The following HMGCLL1 variants were observed in gnomAD, a reference collection of about 807,000 sequenced individuals.
HMGCLL1 encodes the protein 3-hydroxymethyl-3-methylglutaryl-CoA lyase, cytoplasmic.
A neutral mutation model predicts 39.1 loss-of-function variants in HMGCLL1; 36 were observed. The ratio of observed to expected loss-of-function variants is 0.92; its 90% CI spans 0.71 to 1.22. The LOEUF is 1.22. Ranked by LOEUF, HMGCLL1 falls within the 50% of genes most tolerant of loss-of-function variation. The pLI, the probability that HMGCLL1 is intolerant of heterozygous loss-of-function variation, is 0.00. For synonymous variants in HMGCLL1, 149 were observed against 144.0 expected (o/e 1.03, Z -0.25); for missense variants, 451 against 416.5 (o/e 1.08, Z -0.72).
intron 7 of HMGCLL1, among the ~76,000 whole-genome samples, chr6:55,481,453 C>G (rs1438182731): frequency 6.6e-6 from 1 of 151,920 alleles, no homozygotes; most frequent in African/African-American, 2.4e-5. Context: ...GTGATAGATA[C>G]CCCATTTATC....
chr6:55,499,453 T>C (rs182257304), intron 5 of HMGCLL1, among the ~76,000 whole-genome samples, 154 bp from the exon 6 acceptor site: 3 of 152,216 alleles, frequency 2.0e-5, no homozygotes, highest in Non-Finnish European at 2.9e-5. Context: ...CAAATGAAGT[T>C]TGAAGCATTT....
chr6:55,514,134 C>A lies in HMGCLL1; in HGVS notation c.456G>T (p.Lys152Asn), dbSNP rs770705139. 4.3e-6 allele frequency: 7 copies of A among 1,612,654 alleles called. No individual in the cohort carries two copies. The East Asian group carries it at 1.6e-4, about 36-fold the overall frequency. The part of the protein sequence containing the change: ...FGAASESFSK[K>N]NINCSIEESM... The stretch of plus-strand genomic sequence containing the variant: ...TTTCTTCAATGGAACAGTTAATATT[C>A]TTCTTGCTAAAGGATTCAGATGCAG... Residue 152 changes from lysine (K) to asparagine (N), a missense_variant, in exon 5 of 9, where the codon AAG becomes AAT. Physicochemically the swap from Lys to Asn is moderately conservative, Grantham distance 94. Transcript: ENST00000274901.
chr6:55,519,005 A>C (rs1581889672), intron 3 of HMGCLL1, among the ~76,000 whole-genome samples: 1 of 152,324 alleles, frequency 6.6e-6, no homozygotes, highest in African/African-American at 2.4e-5. Flanking sequence ...CGGTTGCGTA[A>C]GTGGTAACAT....
At chr6:55,514,274 C>T (rs1009139400) in intron 4 of HMGCLL1, 78 bp from the exon 5 acceptor site, 2 of 1,071,392 alleles carry the variant, frequency 1.9e-6, no homozygotes, top group Non-Finnish European at 2.7e-6. Context: ...AGATTAACTA[C>T]TCTATGAAGG....
chr6:55,647,353 C>A, the HMGCLL1 span, among the ~76,000 whole-genome samples: 1 of 151,898 alleles, frequency 6.6e-6, no homozygotes, highest in South Asian at 2.1e-4. Flanking sequence ...TCCATTCAGG[C>A]ACTCTATGTC....
chr6:55,511,399 G>A (rs1767450045), intron 5 of HMGCLL1, among the ~76,000 whole-genome samples: 1 of 152,070 alleles, frequency 6.6e-6, no homozygotes, highest in Admixed American at 6.6e-5. Flanking sequence ...CATGTGTTGT[G>A]TGTGTGTTTC....
chr6:55,488,061 G>T (rs76891393), intron 7 of HMGCLL1, among the ~76,000 whole-genome samples: 3 of 151,704 alleles, frequency 2.0e-5, no homozygotes, highest in African/African-American at 7.3e-5. Flanking sequence ...ACATACACTC[G>T]TATATAAGGT....
chr6:55,465,106 T>C (rs576484380), intron 7 of HMGCLL1, among the ~76,000 whole-genome samples: 11 of 152,344 alleles, frequency 7.2e-5, no homozygotes, highest in African/African-American at 1.9e-4. Context: ...AATTGTGATA[T>C]ACAGGTTTTA....
the HMGCLL1 span, among the ~76,000 whole-genome samples, chr6:55,660,898 T>C: frequency 6.6e-6 from 1 of 152,090 alleles, no homozygotes; most frequent in East Asian, 1.9e-4. Context: ...TTTTTGACTC[T>C]TAATAATAGT....
At chr6:55,619,677 A>T in the HMGCLL1 span, among the ~76,000 whole-genome samples, 1 of 152,100 alleles carries the variant, frequency 6.6e-6, no homozygotes, top group Non-Finnish European at 1.5e-5. Context: ...CCAAGCATTT[A>T]TCACTTCTTT....
At chr6:55,459,492 T>A (rs1764466551) in intron 7 of HMGCLL1, among the ~76,000 whole-genome samples, 1 of 152,024 alleles carries the variant, frequency 6.6e-6, no homozygotes, top group African/African-American at 2.4e-5. Context: ...ATAAATAACG[T>A]CAATGACAGA....
At chr6:55,557,467 GGCTTC>G (rs1386701131) in intron 1 of HMGCLL1, among the ~76,000 whole-genome samples, 1 of 151,912 alleles carries the variant, frequency 6.6e-6, no homozygotes, top group Middle Eastern at 3.2e-3. Flanking sequence ...CCCCTCACTT[GGCTTC>G]GCTTTCTAAC....
chr6:55,459,281 G>GAATAATTAAATAATTA (rs1764455125), intron 7 of HMGCLL1, among the ~76,000 whole-genome samples: 1 of 152,050 alleles, frequency 6.6e-6, no homozygotes, highest in Admixed American at 6.6e-5. Flanking sequence ...ATGTATACAT[G>GAATAATTAAATAATTA]AATAATTAAA....
At chr6:55,651,751 A>G in the HMGCLL1 span, among the ~76,000 whole-genome samples, 8 of 152,208 alleles carry the variant, frequency 5.3e-5, no homozygotes, top group East Asian at 1.4e-3. Flanking sequence ...GCTTGCCAAG[A>G]AACCCAAGTT....
chr6:55,662,764 C>T, the HMGCLL1 span, among the ~76,000 whole-genome samples: 1 of 151,746 alleles, frequency 6.6e-6, no homozygotes, highest in Non-Finnish European at 1.5e-5. Context: ...AAGGTACCAG[C>T]TTTTCTTTGT....
the HMGCLL1 span, among the ~76,000 whole-genome samples, chr6:55,607,598 C>T: frequency 1.2e-4 from 18 of 152,194 alleles, no homozygotes; most frequent in South Asian, 3.7e-3. Flanking sequence ...AATAAAGGAC[C>T]AGCATCTCAG....
chr6:55,650,094 T>TAG, the HMGCLL1 span, among the ~76,000 whole-genome samples: 1 of 14,252 alleles, frequency 7.0e-5, no homozygotes. Context: ...CATATACATA[T>TAG]ATATATATAT....
chr6:55,491,700 T>TACATTAAA (rs1446271118), intron 7 of HMGCLL1, among the ~76,000 whole-genome samples: 1 of 152,134 alleles, frequency 6.6e-6, no homozygotes, highest in East Asian at 1.9e-4. Flanking sequence ...GCTAAATTTT[T>TACATTAAA]ACATTAAAAA....
At chr6:55,661,092 T>C in the HMGCLL1 span, among the ~76,000 whole-genome samples, 2 of 152,012 alleles carry the variant, frequency 1.3e-5, no homozygotes, top group African/African-American at 4.8e-5. Flanking sequence ...TTTGTTTAAG[T>C]TCCCTATAAA....
Sources: gnomAD v4.1 joint callset for allele counts (sites outside exome capture counted in the v4.1 genomes callset) on GRCh38, gnomAD v4.1.1 for gene constraint, MANE v1.5 for transcripts, NCBI Gene and HGNC (gene_info 2026-07-23, HGNC 2026-07-21) for gene names.